The following TMEM255A variants were observed in gnomAD, a reference collection of about 807,000 sequenced individuals.
The protein encoded by TMEM255A is transmembrane protein 255A.
A neutral mutation model predicts 23.5 loss-of-function variants in TMEM255A; 14 were observed. The ratio of observed to expected loss-of-function variants is 0.60; its 90% CI spans 0.39 to 0.93. The LOEUF (loss-of-function observed/expected upper bound fraction) is 0.93, where lower values mean the gene tolerates loss of function less well. TMEM255A is among the 40% of genes least tolerant of loss of function. The pLI, the probability that TMEM255A is intolerant of heterozygous loss-of-function variation, is 0.00. For synonymous variants in TMEM255A, 104 were observed against 100.3 expected (o/e 1.04, Z -0.22); for missense variants, 233 against 261.7 (o/e 0.89, Z 0.76).
At chrX:120,254,148 C>A, downstream of TMEM255A, 4 of 1,211,594 alleles carry the variant, frequency 3.3e-6, no homozygotes, top group Non-Finnish European at 4.5e-6. Context: ...AAATATCACA[C>A]CTACTCAGAA....
chrX:120,290,285 G>T (rs2057905955), intron 4 of TMEM255A, among the ~76,000 whole-genome samples: 1 of 112,011 alleles, frequency 8.9e-6, no homozygotes, highest in African/African-American at 3.2e-5. Context: ...AAAATCTACT[G>T]CAGGCTTCTT....
intron 2 of TMEM255A, 142 bp from the exon 3 acceptor site, chrX:120,294,193 G>A (rs1361262690): frequency 3.5e-6 from 1 of 289,757 alleles, no homozygotes; most frequent in African/African-American, 2.8e-5. Context: ...CCAGCACTTT[G>A]GGAGGCCGAG....
intron 7 of TMEM255A, chrX:120,273,334 T>G (rs781885511): frequency 2.9e-6 from 1 of 339,845 alleles, no homozygotes; most frequent in South Asian, 4.0e-5. Flanking sequence ...TGATACCTTA[T>G]CAAATTGGTG....
In TMEM255A at chrX:120,287,329, A is replaced by ACACACACACACACG. The variant is rs1182721689; in HGVS notation, c.355-108_355-107insCGTGTGTGTGTGTG. The stretch of plus-strand genomic sequence containing the variant: ...TGAATACACACACACACACACACAC[A>ACACACACACACACG]CACACACAGAAGCAGGCAGGCAGTA... On this transcript the variant is annotated intron_variant, in intron 4 of 8. Transcript: ENST00000371369. 5.7e-5 allele frequency: 32 copies of ACACACACACACACG among 564,596 alleles called. No individual in the cohort carries two copies. In the South Asian group the frequency reaches 6.0e-4, roughly 11 times the overall value. The allele number at this position is 564,596 out of a possible 1,213,427, so 46.5% of individuals were successfully genotyped here.
intron 1 of TMEM255A, among the ~76,000 whole-genome samples, chrX:120,308,242 A>G (rs1355550712): frequency 1.8e-5 from 2 of 112,333 alleles, no homozygotes; most frequent in Non-Finnish European, 3.8e-5. Context: ...TGCCAGTCCC[A>G]GGATTGTGTA....
the TMEM255A span, among the ~76,000 whole-genome samples, chrX:120,253,135 G>A: frequency 9.0e-6 from 1 of 111,351 alleles, no homozygotes; most frequent in African/African-American, 3.3e-5. Flanking sequence ...TAGTGGAGGT[G>A]CATGTATCTA....
intron 3 of TMEM255A, among the ~76,000 whole-genome samples, chrX:120,293,620 C>T (rs1472272653): frequency 8.9e-6 from 1 of 112,588 alleles, no homozygotes; most frequent in Admixed American, 9.3e-5. Flanking sequence ...TGACGGCCAC[C>T]AATAATCCAG....
intron 7 of TMEM255A, among the ~76,000 whole-genome samples, chrX:120,272,690 A>G (rs1427760520): frequency 1.8e-5 from 2 of 109,509 alleles, no homozygotes; most frequent in Non-Finnish European, 3.8e-5. Context: ...AGTCATGCAG[A>G]GCTGAGTCAA....
intron 2 of TMEM255A, among the ~76,000 whole-genome samples, chrX:120,300,937 G>T (rs1603403959): frequency 9.1e-6 from 1 of 109,783 alleles, no homozygotes; most frequent in East Asian, 2.8e-4. Context: ...GCCCAGGCTG[G>T]ACTTGAACTC....
intron 2 of TMEM255A, among the ~76,000 whole-genome samples, chrX:120,300,033 G>A (rs1021119269): frequency 1.2e-4 from 13 of 112,010 alleles, no homozygotes; most frequent in African/African-American, 4.2e-4. Context: ...AGAAGACTCA[G>A]GCTAGTATGC....
intron 3 of TMEM255A, among the ~76,000 whole-genome samples, chrX:120,292,695 G>A (rs782537645): frequency 9.2e-6 from 1 of 108,822 alleles, no homozygotes; most frequent in Non-Finnish European, 1.9e-5. Flanking sequence ...GGGAGACAGA[G>A]GTTGCAGTGA....
At position 120,276,850 on chromosome X, in the gene TMEM255A, G is replaced by A. The variant is rs375839180; in HGVS notation, c.675+35C>T. The A allele has an allele frequency of 7.6e-6, 9 of 1,191,482 alleles. No individual in the cohort carries two copies. In the African/African-American group the frequency reaches 1.4e-4, roughly 19 times the overall value. ...AGCCTTCCCCCTATGTCCAACAGGG[G>A]CCACTGTGAAATGCAAAGTCAATTC... On this transcript the variant is annotated intron_variant, in intron 7 of 8. Coordinates refer to ENST00000371369, the MANE Select transcript of TMEM255A (RefSeq NM_001104544.3).
intron 3 of TMEM255A, among the ~76,000 whole-genome samples, chrX:120,293,221 C>T (rs1556023339): frequency 8.9e-6 from 1 of 112,392 alleles, no homozygotes; most frequent in African/African-American, 3.2e-5. Context: ...ACCATCTGAC[C>T]ACTCACCAGG....
chrX:120,289,585 T>C (rs1175803720), intron 4 of TMEM255A, among the ~76,000 whole-genome samples: 1 of 112,082 alleles, frequency 8.9e-6, no homozygotes, highest in Admixed American at 9.5e-5. Flanking sequence ...TGTAAAATAG[T>C]GCAGCCACTT....
chrX:120,285,334 C>T, intron 5 of TMEM255A, 119 bp from the exon 6 acceptor site: 1 of 703,419 alleles, frequency 1.4e-6, no homozygotes, highest in Non-Finnish European at 2.3e-6. Context: ...GAAATGAACA[C>T]CCAATGTGTG....
intron 8 of TMEM255A, among the ~76,000 whole-genome samples, chrX:120,265,168 G>A (rs1348668930): frequency 3.6e-5 from 4 of 112,109 alleles, no homozygotes; most frequent in Non-Finnish European, 5.6e-5. Flanking sequence ...GAGCCACCGC[G>A]CCTGGCTGAC....
At chrX:120,274,038 A>T (rs1045686244) in intron 7 of TMEM255A, among the ~76,000 whole-genome samples, 7 of 112,133 alleles carry the variant, frequency 6.2e-5, no homozygotes, top group African/African-American at 2.3e-4. Context: ...ACTAAACAAA[A>T]CGTGGTCTAT....
In TMEM255A at chrX:120,310,730, C is replaced by T. The variant is rs1447725412; in HGVS notation, c.58+522G>A. On this transcript the variant is annotated intron_variant, in intron 1 of 8. Coordinates refer to ENST00000371369, the MANE Select transcript of TMEM255A (RefSeq NM_001104544.3). The stretch of plus-strand genomic sequence containing the variant: ...CCATCCCCCAGAGTTGCGCAACCCG[C>T]CCCCCCCCCCCAATCAGCGAGGTGC... 1.0e-2 allele frequency among the ~76,000 whole-genome samples: 220 copies of T among 22,108 alleles called. 2 individuals are homozygous for T. Among genetic ancestry groups the T allele is most frequent in the African/African-American group, 0.061 (200 of 3,293 alleles). The allele number at this position is 22,108 out of a possible 115,157, so 19.2% of individuals were successfully genotyped here.
At position 120,263,856 on chromosome X, in the gene TMEM255A, T is replaced by C. The variant is rs139325347; in HGVS notation, c.820-2828A>G. Among the ~76,000 whole-genome samples, 1,041 of 111,218 alleles carry C rather than the reference T, an allele frequency of 9.4e-3. 2 individuals are homozygous for C. The highest frequency in any genetic ancestry group is 0.015 in the Non-Finnish European group (784 of 52,925). Reference sequence around the variant, plus strand: ...AAGTTGAGTGATAGCAACAACAGCCTTCTAAGGCTCTCAGCAACCTGTGCC... The same window carrying C: ...AAGTTGAGTGATAGCAACAACAGCCCTCTAAGGCTCTCAGCAACCTGTGCC... On this transcript the variant is annotated intron_variant, in intron 8 of 8. Transcript: ENST00000371369.
Sources: gnomAD v4.1 joint callset for allele counts (sites outside exome capture counted in the v4.1 genomes callset) on GRCh38, gnomAD v4.1.1 for gene constraint, MANE v1.5 for transcripts, NCBI Gene and HGNC (gene_info 2026-07-23, HGNC 2026-07-21) for gene names.